SGK1: variants seen among roughly 807,000 people sequenced by gnomAD.
SGK1 encodes serum/glucocorticoid regulated kinase 1, also known as serine/threonine-protein kinase Sgk1.
Under a neutral mutation model 64.2 loss-of-function variants are expected in SGK1, and 26 were observed. The observed-to-expected ratio is 0.40, with a 90% CI of 0.30 to 0.56. The LOEUF is 0.56. Among genes scored for constraint, SGK1 ranks in the 20% least tolerant of loss-of-function variants. The pLI, the probability that SGK1 is intolerant of heterozygous loss-of-function variation, is 0.38. For missense variants in SGK1, 519 were observed against 645.6 expected (o/e 0.80, Z 2.12); for synonymous variants, 265 against 239.7 (o/e 1.11, Z -0.98).
At chr6:134,261,046 T>C (rs1409539556) in intron 2 of SGK1, 2 of 152,188 alleles carry the variant, frequency 1.3e-5, no homozygotes, top group Non-Finnish European at 2.9e-5. Context: ...AAAAATATAA[T>C]CTTAAATTTT....
chr6:134,303,261 A>G (rs1964993), intron 1 of SGK1, among the ~76,000 whole-genome samples: 21,132 of 151,768 alleles, frequency 0.14, 1,678 homozygotes, highest in East Asian at 0.35. Context: ...GCGTGGTGGC[A>G]GGCGCCTGTA....
chr6:134,204,826 T>C (rs933474472), intron 3 of SGK1, among the ~76,000 whole-genome samples: 4 of 152,192 alleles, frequency 2.6e-5, no homozygotes, highest in African/African-American at 9.6e-5. Context: ...AGTGCTGGGA[T>C]TGCAGGCATG....
chr6:134,309,413 C>A (rs537669135), intron 1 of SGK1, among the ~76,000 whole-genome samples: 6 of 152,204 alleles, frequency 3.9e-5, no homozygotes, highest in Admixed American at 1.3e-4. Context: ...TCCACTTTCC[C>A]ACATGGTCTT....
chr6:134,213,631 T>TAAATAAATA (rs1487220916), intron 2 of SGK1, among the ~76,000 whole-genome samples: 1 of 120,158 alleles, frequency 8.3e-6, no homozygotes, highest in Non-Finnish European at 1.8e-5. Context: ...AATAAATAAA[T>TAAATAAATA]AAATAAATAA....
At chr6:134,297,068 A>G in intron 1 of SGK1, 1 of 472,888 alleles carries the variant, frequency 2.1e-6, no homozygotes, top group South Asian at 1.8e-5. Flanking sequence ...TCACAACCAC[A>G]GCCCTGGTGG....
chr6:134,264,087 C>T (rs1024095229), intron 1 of SGK1, among the ~76,000 whole-genome samples: 25 of 151,804 alleles, frequency 1.6e-4, no homozygotes, highest in African/African-American at 5.8e-4. Context: ...CACCTTGAAT[C>T]CAGAGTTTAT....
At chr6:134,280,942 A>C (rs1777084716) in intron 1 of SGK1, among the ~76,000 whole-genome samples, 2 of 152,118 alleles carry the variant, frequency 1.3e-5, no homozygotes, top group South Asian at 4.2e-4. Flanking sequence ...GGTGGTGTGC[A>C]CCAGTAACCC....
In SGK1 at chr6:134,226,367, TTTTA is replaced by T. The variant is rs1198102111; in HGVS notation, c.286-18940_286-18937del. On this transcript the variant is annotated intron_variant, in intron 2 of 13. Coordinates refer to ENST00000367858, the MANE Select transcript of SGK1 (RefSeq NM_001143676.3). ...TCATCCAAAAAGGTGTTTTTTTTTC[TTTTA>T]CTTTTAAAGATTTTTATTTTGTTTT... 7.4e-4 allele frequency among the ~76,000 whole-genome samples: 112 copies of T among 151,372 alleles called. 1 individual carries two copies. The highest frequency in any genetic ancestry group is 4.1e-4 in the Non-Finnish European group (28 of 67,918).
chr6:134,172,453 T>C (rs1260684613), intron 9 of SGK1, 137 bp from the exon 10 acceptor site: 4 of 902,620 alleles, frequency 4.4e-6, no homozygotes, highest in Admixed American at 2.6e-5. Flanking sequence ...AAGGGAGCCC[T>C]TGTTCTGCTC....
At chr6:134,239,861 A>T (rs2114723498) in intron 2 of SGK1, among the ~76,000 whole-genome samples, 1 of 152,334 alleles carries the variant, frequency 6.6e-6, no homozygotes, top group African/African-American at 2.4e-5. Flanking sequence ...TCTCAAGTAG[A>T]TGAAGGCAGA....
At position 134,173,313 on chromosome 6, in the gene SGK1, G is replaced by A. The variant is rs748601893; in HGVS notation, c.663C>T (p.Val221=). ...RHKAEEVFYA[V]KVLQKKAILK... is the part of the protein sequence containing the mutation. ...GGATTGCTTTCTTCTGTAAAACTTT[G>A]ACTGCATAGAACACTTCTTCTGCCT... Residue 221 remains valine, a synonymous_variant, in exon 7 of 14, where the codon GTC becomes GTT. Coordinates refer to ENST00000367858, the MANE Select transcript of SGK1 (RefSeq NM_001143676.3). 6.2e-7 allele frequency: 1 copy of A among 1,613,800 alleles called. No homozygotes were observed. The highest frequency in any genetic ancestry group is 2.2e-5 in the East Asian group (1 of 44,878).
Position 134,170,928 on chromosome 6 carries a change from A to T in SGK1, c.1324-13T>A. On this transcript the variant is annotated splice_polypyrimidine_tract_variant and intron_variant, in intron 12 of 13. Transcript: ENST00000367858. The stretch of plus-strand genomic sequence containing the variant: ...TCTTAATCTCCATCTGTTGATAAGA[A>T]ACCCAAGATTAATTTAGACAGGTGC... 1 of 1,609,740 alleles carries T rather than the reference A, an allele frequency of 6.2e-7. No individual in the cohort carries two copies. Among genetic ancestry groups the T allele is most frequent in the Non-Finnish European group, 8.5e-7 (1 of 1,176,128 alleles).
intron 2 of SGK1, chr6:134,261,505 G>T: frequency 2.9e-6 from 1 of 339,982 alleles, no homozygotes; most frequent in Non-Finnish European, 5.3e-6. Context: ...GGGATGAATA[G>T]TGGAGGGCAG....
intron 3 of SGK1, among the ~76,000 whole-genome samples, chr6:134,194,237 T>A (rs1473759960): frequency 2.0e-5 from 3 of 151,870 alleles, no homozygotes; most frequent in African/African-American, 7.3e-5. Context: ...ACTAGCTGAG[T>A]CTCAGCCAAT....
chr6:134,269,463 A>G (rs1776907543), intron 1 of SGK1, among the ~76,000 whole-genome samples: 1 of 147,322 alleles, frequency 6.8e-6, no homozygotes, highest in Non-Finnish European at 1.5e-5. Context: ...GTTAAAGACC[A>G]GGCTGGCCAA....
At chr6:134,206,351 AT>A (rs1456251263) in intron 3 of SGK1, among the ~76,000 whole-genome samples, 8 of 8,942 alleles carry the variant, frequency 8.9e-4, no homozygotes, top group Non-Finnish European at 2.0e-3. Context: ...ATATATATAT[AT>A]ATATATATAT....
intron 2 of SGK1, among the ~76,000 whole-genome samples, chr6:134,239,965 C>T (rs921268412): frequency 1.3e-5 from 2 of 151,958 alleles, no homozygotes; most frequent in Non-Finnish European, 2.9e-5. Flanking sequence ...GGATGGGAAG[C>T]GAGGACATCA....
intron 2 of SGK1, among the ~76,000 whole-genome samples, chr6:134,253,611 C>A (rs746989557): frequency 2.0e-5 from 3 of 152,140 alleles, no homozygotes; most frequent in Non-Finnish European, 4.4e-5. Context: ...CCTGATTGTG[C>A]CACTGCACTC....
intron 1 of SGK1, among the ~76,000 whole-genome samples, chr6:134,288,241 T>C (rs765987766): frequency 1.3e-5 from 2 of 152,218 alleles, no homozygotes; most frequent in Admixed American, 6.5e-5. Context: ...TTTCCATACT[T>C]AAACTTCAGT....
Sources: gnomAD v4.1 joint callset for allele counts (sites outside exome capture counted in the v4.1 genomes callset) on GRCh38, gnomAD v4.1.1 for gene constraint, MANE v1.5 for transcripts, NCBI Gene and HGNC (gene_info 2026-07-23, HGNC 2026-07-21) for gene names.